The following COL18A1 variants were observed in gnomAD, a reference collection of about 807,000 sequenced individuals.
The protein encoded by COL18A1 is collagen type XVIII alpha 1 chain.
COL18A1 carries 133 observed loss-of-function variants against 168.0 expected under a neutral mutation model. The ratio of observed to expected loss-of-function variants is 0.79; its 90% CI spans 0.69 to 0.91. COL18A1 has a LOEUF of 0.91. Ranked by LOEUF, COL18A1 falls within the 40% of genes least tolerant of loss-of-function variation. COL18A1 has a pLI of 0.00. For synonymous variants in COL18A1, 949 were observed against 809.0 expected, an observed-to-expected ratio of 1.17 and a Z score of -2.94; for missense variants, 2,126 against 1,925.4, an observed-to-expected ratio of 1.10 and a Z score of -1.95.
At chr21:45,482,057 GA>G in intron 14 of COL18A1, 32 bp downstream of exon 14, 1 of 1,577,620 alleles carries the variant, frequency 6.3e-7, no homozygotes, top group Non-Finnish European at 8.7e-7. Context: ...GGGTGAGTGG[GA>G]ACCAGCACCA....
Position 45,480,807 on chromosome 21 carries a change from C to T in COL18A1, c.1560C>T (p.Gly520=), listed in dbSNP as rs1410131943. 28 of 1,611,906 alleles carry T rather than the reference C, an allele frequency of 1.7e-5. No homozygotes were observed. Among genetic ancestry groups the T allele is most frequent in the Non-Finnish European group, 2.4e-5 (28 of 1,179,778 alleles). ...VNSSDVPGPA[G]LPGVPGREGP... ...GCTCCGACGTCCCAGGACCCGCCGG[C>T]CTTCCTGGTGTGCCTGGGCGCGAGG... The change falls in exon 13 of 42, where the codon GGC becomes GGT. Residue 520 remains glycine (G), a synonymous_variant. Transcript: ENST00000651438.
In COL18A1 at chr21:45,504,285, A is replaced by G. The variant is rs564033423; in HGVS notation, c.2728-131A>G. 157 of 978,738 alleles carry G rather than the reference A, an allele frequency of 1.6e-4. 1 individual carries two copies. The highest frequency in any genetic ancestry group is 1.6e-3 in the African/African-American group (96 of 61,174). The allele number at this position is 978,738 out of a possible 1,614,324, so 60.6% of individuals were successfully genotyped here. ...GAGGTGGGGAGTCGAGCCCTATTCTATGCAGCCAGCAGCTCCCAGGCCTGG... is the reference window on the plus strand; with the variant it reads ...GAGGTGGGGAGTCGAGCCCTATTCTGTGCAGCCAGCAGCTCCCAGGCCTGG... On this transcript the variant is annotated intron_variant, in intron 33 of 41. Coordinates refer to ENST00000651438, the MANE Select transcript of COL18A1 (RefSeq NM_001379500.1).
chr21:45,422,543 C>T (rs373029104), intron 2 of COL18A1: 27 of 516,550 alleles, frequency 5.2e-5, no homozygotes, highest in Non-Finnish European at 9.1e-5. Context: ...TGCCAGGACC[C>T]GGGCAGGGCA....
At chr21:45,437,924 G>A (rs2034224795) in intron 2 of COL18A1, among the ~76,000 whole-genome samples, 1 of 37,606 alleles carries the variant, frequency 2.7e-5, no homozygotes, top group African/African-American at 2.0e-4. Flanking sequence ...GCACTCTCCT[G>A]CACACACACA....
At chr21:45,430,943 G>A (rs1423964770) in intron 2 of COL18A1, among the ~76,000 whole-genome samples, 1 of 152,236 alleles carries the variant, frequency 6.6e-6, no homozygotes, top group Non-Finnish European at 1.5e-5. Flanking sequence ...AGTCAGCTGG[G>A]CCATTGAAAA....
At chr21:45,479,028 C>T (rs960512095) in intron 9 of COL18A1, among the ~76,000 whole-genome samples, 9 of 152,162 alleles carry the variant, frequency 5.9e-5, no homozygotes, top group African/African-American at 1.7e-4. Flanking sequence ...AAAGGACAGT[C>T]GGCTGGGGGG....
rs2033700974 is a variant in COL18A1, at chr21:45,423,840, C to T, written c.106+18367C>T. On this transcript the variant is annotated intron_variant, in intron 2 of 41. Coordinates refer to ENST00000651438, the MANE Select transcript of COL18A1 (RefSeq NM_001379500.1). The surrounding 1 kb of genome is among the most constrained non-coding windows in gnomAD (Gnocchi z 4.0). ...GAGCCCTTACTGGCCAGTTTAAGACCCTCTTGGAGCAGGGTTCTGCAGTGT... is the reference window on the plus strand; with the variant it reads ...GAGCCCTTACTGGCCAGTTTAAGACTCTCTTGGAGCAGGGTTCTGCAGTGT... The T allele has an allele frequency of 6.6e-6, 1 of 152,288 alleles. No homozygotes were observed. The highest frequency in any genetic ancestry group is 1.5e-5 in the Non-Finnish European group (1 of 68,112). 9.4% of individuals were successfully genotyped at this position (152,288 alleles called of 1,614,324 possible).
intron 11 of COL18A1, 120 bp from the exon 12 acceptor site, chr21:45,480,347 C>G: frequency 6.4e-7 from 1 of 1,569,726 alleles, no homozygotes; most frequent in East Asian, 2.3e-5. Flanking sequence ...GCAGAGGGGC[C>G]GTGGTTTCTC....
intron 2 of COL18A1, chr21:45,420,554 TGACACCG>T (rs1022177951): frequency 1.3e-5 from 2 of 152,172 alleles, no homozygotes; most frequent in African/African-American, 4.8e-5. Flanking sequence ...TGTCAGCTCA[TGACACCG>T]GACAATTTGG....
chr21:45,447,202 T>TATATATATCATATATC (rs938304573), intron 2 of COL18A1, among the ~76,000 whole-genome samples: 3 of 151,192 alleles, frequency 2.0e-5, no homozygotes, highest in South Asian at 2.1e-4. Context: ...ATCTTATATA[T>TATATATATCATATATC]ATATATATCA....
At chr21:45,430,332 T>C (rs892303064) in intron 2 of COL18A1, among the ~76,000 whole-genome samples, 1 of 152,194 alleles carries the variant, frequency 6.6e-6, no homozygotes, top group Non-Finnish European at 1.5e-5. Flanking sequence ...AGGTTCTGAA[T>C]AGGTCGAAGC....
At chr21:45,413,648 C>A (rs2033362448) in intron 2 of COL18A1, among the ~76,000 whole-genome samples, 1 of 152,200 alleles carries the variant, frequency 6.6e-6, no homozygotes, top group African/African-American at 2.4e-5. Flanking sequence ...AGCCTTCCAG[C>A]CAGAAAGAAG....
chr21:45,480,379 G>A (rs1009422109), intron 11 of COL18A1, 88 bp from the exon 12 acceptor site: 76 of 1,610,544 alleles, frequency 4.7e-5, no homozygotes, highest in Middle Eastern at 1.6e-4. Context: ...GAAACAGCTC[G>A]ATATGCAGCT....
chr21:45,503,887 G>C (rs972370449), intron 32 of COL18A1, 124 bp from the exon 33 acceptor site: 1 of 900,390 alleles, frequency 1.1e-6, no homozygotes, highest in Admixed American at 1.9e-5. Context: ...AATTAAATAC[G>C]CGATCTCTAC....
chr21:45,407,864 CCTCA>C (rs2033164599), intron 2 of COL18A1: 1 of 152,332 alleles, frequency 6.6e-6, no homozygotes, highest in Non-Finnish European at 1.5e-5. Context: ...GGTCCCTGCG[CCTCA>C]CTTCCCACTC....
At chr21:45,495,024 C>T in intron 28 of COL18A1, 109 bp downstream of exon 28, 3 of 959,948 alleles carry the variant, frequency 3.1e-6, no homozygotes, top group South Asian at 2.9e-5. Flanking sequence ...GGCCGCCGCA[C>T]CCACTGTCCT....
intron 2 of COL18A1, among the ~76,000 whole-genome samples, chr21:45,447,954 G>A (rs911696515): frequency 1.3e-5 from 2 of 152,046 alleles, no homozygotes; most frequent in South Asian, 2.1e-4. Flanking sequence ...CAGCCTCCTC[G>A]GACTGGAAGG....
intron 20 of COL18A1, 143 bp downstream of exon 20, chr21:45,490,489 C>T: frequency 1.5e-6 from 1 of 656,182 alleles, no homozygotes; most frequent in African/African-American, 2.3e-5. Context: ...CCTCCGTGTG[C>T]CCTCCCGGGT....
chr21:45,461,174 C>G (rs1435218035), intron 2 of COL18A1, among the ~76,000 whole-genome samples: 1 of 152,108 alleles, frequency 6.6e-6, no homozygotes, highest in Non-Finnish European at 1.5e-5. Context: ...TCCTGCATAA[C>G]TGAAACTTTG....
Sources: allele counts gnomAD v4.1 joint callset (sites outside exome capture counted in the v4.1 genomes callset), GRCh38; gene constraint gnomAD v4.1.1; non-coding constraint Gnocchi (gnomAD v3.1); transcripts MANE v1.5; gene names NCBI Gene and HGNC (gene_info 2026-07-23, HGNC 2026-07-21).